The following JPH3 variants were observed in gnomAD, a reference collection of about 807,000 sequenced individuals.
JPH3 encodes the protein junctophilin 3.
JPH3 carries 11 observed loss-of-function variants against 59.6 expected under a neutral mutation model. That is an observed-to-expected ratio of 0.18 (90% CI 0.12 to 0.31). The LOEUF (loss-of-function observed/expected upper bound fraction) is 0.31. Ranked by LOEUF, JPH3 falls within the 10% of genes least tolerant of loss-of-function variation. The pLI, the probability that JPH3 is intolerant of heterozygous loss-of-function variation, is 1.00. For synonymous variants in JPH3, 673 were observed against 483.6 expected, an observed-to-expected ratio of 1.39 and a Z score of -5.14; for missense variants, 1,202 against 1,105.7, an observed-to-expected ratio of 1.09 and a Z score of -1.24.
chr16:87,626,428 C>A (rs538260463), intron 1 of JPH3, among the ~76,000 whole-genome samples: 8 of 152,238 alleles, frequency 5.3e-5, no homozygotes, highest in Non-Finnish European at 1.2e-4. Context: ...AGCACCACCA[C>A]GGCCATTGAG....
At chr16:87,668,912 G>A (rs995744467) in intron 2 of JPH3, among the ~76,000 whole-genome samples, 4 of 151,796 alleles carry the variant, frequency 2.6e-5, no homozygotes, top group East Asian at 1.9e-4. Flanking sequence ...GCCGTGCTCC[G>A]TGGATCTCCT....
intron 3 of JPH3, among the ~76,000 whole-genome samples, chr16:87,689,202 C>G (rs1378767298): frequency 6.6e-6 from 1 of 152,222 alleles, no homozygotes; most frequent in Non-Finnish European, 1.5e-5. Flanking sequence ...GAGACACAGT[C>G]CCAGGCGGGT....
At chr16:87,695,562 C>T (rs2033796922) in intron 4 of JPH3, 1 of 455,074 alleles carries the variant, frequency 2.2e-6, no homozygotes, top group African/African-American at 2.0e-5. Context: ...GGCAAGTGTC[C>T]TCTGGAAGCA....
chr16:87,647,945 C>T (rs1038178720), intron 2 of JPH3, among the ~76,000 whole-genome samples: 6 of 152,238 alleles, frequency 3.9e-5, no homozygotes, highest in Non-Finnish European at 7.3e-5. Context: ...TGCCCCAGGC[C>T]GGTCGCCTCC....
chr16:87,661,911 T>C (rs917282214), intron 2 of JPH3, among the ~76,000 whole-genome samples: 2 of 152,224 alleles, frequency 1.3e-5, no homozygotes, highest in African/African-American at 4.8e-5. Flanking sequence ...TCACGTCCCA[T>C]CTGCTGAGGG....
intron 1 of JPH3, among the ~76,000 whole-genome samples, chr16:87,608,115 G>C (rs1409413944): frequency 6.6e-6 from 1 of 152,240 alleles, no homozygotes; most frequent in African/African-American, 2.4e-5. Flanking sequence ...CAGCGATCTG[G>C]AGTAGTGAGT....
chr16:87,635,963 C>G (rs956910816), intron 1 of JPH3, among the ~76,000 whole-genome samples: 4 of 152,230 alleles, frequency 2.6e-5, no homozygotes, highest in African/African-American at 9.6e-5. Flanking sequence ...TTCCGGGGCC[C>G]CAGGGCCAGG....
At chr16:87,613,703 T>G (rs2030824162) in intron 1 of JPH3, among the ~76,000 whole-genome samples, 1 of 152,216 alleles carries the variant, frequency 6.6e-6, no homozygotes, top group Non-Finnish European at 1.5e-5. Context: ...GAGGGCTGAC[T>G]GTGTATGATA....
chr16:87,606,809 T>G (rs1265874879), intron 1 of JPH3, among the ~76,000 whole-genome samples: 1 of 152,214 alleles, frequency 6.6e-6, no homozygotes, highest in Non-Finnish European at 1.5e-5. Flanking sequence ...AGGAGACTGG[T>G]GATCATGTAA....
chr16:87,625,795 G>C (rs1196731138), intron 1 of JPH3, among the ~76,000 whole-genome samples: 1 of 152,154 alleles, frequency 6.6e-6, no homozygotes, highest in Admixed American at 6.5e-5. Flanking sequence ...GCCGTGGGGT[G>C]GGGAGGGAAG....
intron 2 of JPH3, among the ~76,000 whole-genome samples, chr16:87,652,415 T>A (rs1031261082): frequency 1.3e-5 from 2 of 152,386 alleles, no homozygotes; most frequent in South Asian, 2.1e-4. Flanking sequence ...TGCAATTTTT[T>A]AAGATATAAT....
chr16:87,663,058 A>G (rs2150860912), intron 2 of JPH3, among the ~76,000 whole-genome samples: 2 of 151,994 alleles, frequency 1.3e-5, no homozygotes, highest in African/African-American at 4.8e-5. Flanking sequence ...TAAGTCGGCA[A>G]GTTTTGATCC....
At chr16:87,688,929 T>C (rs2033485560) in intron 3 of JPH3, among the ~76,000 whole-genome samples, 2 of 152,162 alleles carry the variant, frequency 1.3e-5, no homozygotes, top group Admixed American at 1.3e-4. Context: ...CGGAGAAGTC[T>C]CGGGGCTAGT....
At chr16:87,672,648 G>A (rs928762696) in intron 2 of JPH3, among the ~76,000 whole-genome samples, 2 of 152,228 alleles carry the variant, frequency 1.3e-5, no homozygotes, top group African/African-American at 2.4e-5. Flanking sequence ...TGCGGGTGAC[G>A]AGGACACAGT....
chr16:87,685,828 G>A (rs989247431), intron 3 of JPH3, among the ~76,000 whole-genome samples: 5 of 152,218 alleles, frequency 3.3e-5, no homozygotes, highest in African/African-American at 1.2e-4. Flanking sequence ...GACCAGACAG[G>A]GAACATTGAA....
At chr16:87,645,487 G>T (rs533460932) in intron 2 of JPH3, among the ~76,000 whole-genome samples, 2 of 152,182 alleles carry the variant, frequency 1.3e-5, no homozygotes, top group Non-Finnish European at 2.9e-5. Flanking sequence ...CCAGACCTGC[G>T]ATCTAGATTC....
intron 3 of JPH3, among the ~76,000 whole-genome samples, chr16:87,687,476 G>A (rs115714288): frequency 0.013 from 1,945 of 152,294 alleles, 34 homozygotes; most frequent in African/African-American, 0.04. Context: ...GACCGTCAGG[G>A]TTCTGCCCAA....
rs2033875810 is a variant in JPH3, at chr16:87,696,722, C to G, written c.*62C>G. On this transcript the variant is annotated 3_prime_UTR_variant, in exon 5 of 5. Coordinates refer to ENST00000284262, the MANE Select transcript of JPH3 (RefSeq NM_020655.4). ...AAAAAAGGGACATTAAAATTAAAAG[C>G]AAAACCACAAGAAGGGAAAGACCGC... The G allele has an allele frequency of 7.2e-7, 1 of 1,394,784 alleles. No homozygotes were observed. The highest frequency in any genetic ancestry group is 1.7e-5 in the Admixed American group (1 of 59,130). The allele number at this position is 1,394,784 out of a possible 1,614,324, so 86.4% of individuals were successfully genotyped here.
chr16:87,691,544 G>C (rs1226156246), intron 4 of JPH3, among the ~76,000 whole-genome samples: 1 of 152,164 alleles, frequency 6.6e-6, no homozygotes, highest in East Asian at 1.9e-4. Flanking sequence ...CGCTGCGGCA[G>C]GGGTCGGTGT....
Sources: allele counts gnomAD v4.1 joint callset (sites outside exome capture counted in the v4.1 genomes callset), GRCh38; gene constraint gnomAD v4.1.1; transcripts MANE v1.5; gene names NCBI Gene and HGNC (gene_info 2026-07-23, HGNC 2026-07-21).